Variants in PARP8 observed in about 807,000 individuals in gnomAD.
PARP8 encodes the protein poly(ADP-ribose) polymerase family member 8.
A neutral mutation model predicts 124.1 loss-of-function variants in PARP8; 51 were observed. The ratio of observed to expected loss-of-function variants is 0.41; its 90% CI spans 0.33 to 0.52. The LOEUF (loss-of-function observed/expected upper bound fraction) is 0.52. Among genes scored for constraint, PARP8 ranks in the 20% least tolerant of loss-of-function variants. The pLI, the probability that PARP8 is intolerant of heterozygous loss-of-function variation, is 0.21. For synonymous variants in PARP8, 391 were observed against 361.5 expected (o/e 1.08, Z -0.93); for missense variants, 860 against 1,018.9 (o/e 0.84, Z 2.12).
rs376254772 is a variant in PARP8, at chr5:50,828,434, G to A, written c.2163+50G>A. The A allele has an allele frequency of 1.2e-4, 176 of 1,500,880 alleles. No homozygotes were observed. In the African/African-American group the frequency reaches 2.3e-3, roughly 19 times the overall value. 93.0% of individuals were successfully genotyped at this position (1,500,880 alleles called of 1,614,324 possible). A position where few individuals can be genotyped will look rare whatever the true frequency, so the allele number is the denominator to read the frequency against. Reference sequence around the variant, plus strand: ...AGACTTCATTCTTCTTCAGAATTGAGATTCAGTAAGCAACCCTGTTGTTAG... The same window carrying A: ...AGACTTCATTCTTCTTCAGAATTGAAATTCAGTAAGCAACCCTGTTGTTAG... On this transcript the variant is annotated intron_variant, in intron 21 of 25. Transcript: ENST00000281631.
chr5:50,745,541 G>T (rs1758451171), intron 2 of PARP8, among the ~76,000 whole-genome samples: 1 of 152,134 alleles, frequency 6.6e-6, no homozygotes, highest in Admixed American at 6.5e-5. Context: ...ATGCCTCCCA[G>T]CTAGTAAGCC....
chr5:50,759,022 A>T (rs183009406), intron 3 of PARP8, among the ~76,000 whole-genome samples: 1 of 152,322 alleles, frequency 6.6e-6, no homozygotes, highest in African/African-American at 2.4e-5. Flanking sequence ...TATGGAAGGT[A>T]TGATTTACAA....
intron 3 of PARP8, among the ~76,000 whole-genome samples, chr5:50,754,404 A>G (rs1580216402): frequency 6.6e-6 from 1 of 151,358 alleles, no homozygotes; most frequent in Admixed American, 6.6e-5. Flanking sequence ...TCATTGTTCA[A>G]TTCCCACCTA....
intron 15 of PARP8, among the ~76,000 whole-genome samples, chr5:50,816,134 G>A (rs535082503): frequency 2.6e-5 from 4 of 152,078 alleles, no homozygotes; most frequent in African/African-American, 7.2e-5. Flanking sequence ...GTGCTATAAC[G>A]TTTTAACAAA....
intron 2 of PARP8, among the ~76,000 whole-genome samples, chr5:50,726,170 T>G (rs1023123058): frequency 5.3e-5 from 8 of 152,074 alleles, no homozygotes; most frequent in African/African-American, 1.7e-4. Context: ...CAGACCTGGG[T>G]TTGAAGCTTC....
chr5:50,698,654 T>C (rs1753278204), intron 2 of PARP8, among the ~76,000 whole-genome samples: 1 of 152,150 alleles, frequency 6.6e-6, no homozygotes, highest in Admixed American at 6.6e-5. Flanking sequence ...TAATCAGTCT[T>C]TTATCCTGAT....
Position 50,739,944 on chromosome 5 carries a change from T to A in PARP8, c.147-10207T>A, listed in dbSNP as rs546019809. Among the ~76,000 whole-genome samples the A allele has an allele frequency of 1.5e-4, 23 of 151,530 alleles. 1 individual carries two copies. The highest frequency in any genetic ancestry group is 5.6e-4 in the African/African-American group (23 of 41,282). ...TTTGGTATTTTTAGTAGAGACGGGG[T>A]TTCACCATCTTGGCCAGGCTGGTCT... On this transcript the variant is annotated intron_variant, in intron 2 of 25. Transcript: ENST00000281631.
chr5:50,773,003 C>A (rs955594495), intron 7 of PARP8, among the ~76,000 whole-genome samples: 2 of 152,238 alleles, frequency 1.3e-5, no homozygotes, highest in East Asian at 3.9e-4. Flanking sequence ...TGGACTTTTG[C>A]CCCTTTTAAA....
At chr5:50,708,989 G>A (rs748381729) in intron 2 of PARP8, among the ~76,000 whole-genome samples, 2 of 151,932 alleles carry the variant, frequency 1.3e-5, no homozygotes, top group South Asian at 4.2e-4. Context: ...GTCTCAATAT[G>A]TTGTCCAGGC....
At chr5:50,789,583 G>A (rs1231831647) in intron 10 of PARP8, among the ~76,000 whole-genome samples, 6 of 152,128 alleles carry the variant, frequency 3.9e-5, no homozygotes, top group East Asian at 1.9e-4. Flanking sequence ...GATTTCATAC[G>A]AAGACATAAA....
intron 2 of PARP8, chr5:50,745,067 A>G (rs1219061580): frequency 1.1e-5 from 3 of 270,420 alleles, no homozygotes; most frequent in Admixed American, 9.8e-5. Flanking sequence ...AGGATTTTAC[A>G]GTCCTGGTGA....
chr5:50,668,461 G>A (rs1749624612), intron 2 of PARP8: 1 of 230,000 alleles, frequency 4.3e-6, no homozygotes, highest in Non-Finnish European at 8.6e-6. Context: ...GAAGTGAAAT[G>A]TATAAAAGAC....
At chr5:50,813,777 A>G (rs1744760599) in intron 14 of PARP8, among the ~76,000 whole-genome samples, 1 of 152,016 alleles carries the variant, frequency 6.6e-6, no homozygotes, top group Non-Finnish European at 1.5e-5. Flanking sequence ...TGGTACTGAA[A>G]AAGCAATGTC....
intron 9 of PARP8, among the ~76,000 whole-genome samples, chr5:50,787,311 C>T (rs889881024): frequency 6.6e-6 from 1 of 152,102 alleles, no homozygotes; most frequent in African/African-American, 2.4e-5. Flanking sequence ...AGGTTCCTTC[C>T]CTGCTCTCAT....
At chr5:50,703,299 C>CA (rs34772044) in intron 2 of PARP8, among the ~76,000 whole-genome samples, 12,658 of 117,210 alleles carry the variant, frequency 0.11, 725 homozygotes, top group African/African-American at 0.18. Context: ...GACCGTGTCT[C>CA]AAAAAAAAAA....
At chr5:50,696,997 G>T (rs1387476853) in intron 2 of PARP8, among the ~76,000 whole-genome samples, 1 of 152,120 alleles carries the variant, frequency 6.6e-6, no homozygotes, top group Non-Finnish European at 1.5e-5. Context: ...TGCCGGGCGG[G>T]GTGGCTCATG....
rs556756490 is a variant in PARP8, at chr5:50,802,669, G to A, written c.1575+5436G>A. Among the ~76,000 whole-genome samples, 32 of 152,110 alleles carry A rather than the reference G, an allele frequency of 2.1e-4. No homozygotes were observed. The South Asian group carries it at 4.4e-3, about 21-fold the overall frequency. ...ACATAGTTTCAACTCCACTCCCAGA[G>A]TGGAAGTACGTGTAATTGCTGTTAT... On this transcript the variant is annotated intron_variant, in intron 14 of 25. Transcript: ENST00000281631.
At chr5:50,743,402 A>G (rs949128643) in intron 2 of PARP8, among the ~76,000 whole-genome samples, 17 of 152,148 alleles carry the variant, frequency 1.1e-4, no homozygotes, top group Admixed American at 3.9e-4. Context: ...GAATGGCATT[A>G]AAGTAGCAAA....
At position 50,828,061 on chromosome 5, in the gene PARP8, G is replaced by T; in HGVS notation, c.2090+5G>T. ...TGGAAGCACCTTTGCATTTCAGTGA[G>T]TAAGGCTTAATGTTAATGGGGGTGT... On this transcript the variant is annotated splice_donor_5th_base_variant and intron_variant, in intron 20 of 25. Transcript: ENST00000281631. The T allele has an allele frequency of 6.4e-7, 1 of 1,572,140 alleles. No homozygotes were observed.
Sources: gnomAD v4.1 joint callset for allele counts (sites outside exome capture counted in the v4.1 genomes callset) on GRCh38, gnomAD v4.1.1 for gene constraint, MANE v1.5 for transcripts, NCBI Gene and HGNC (gene_info 2026-07-23, HGNC 2026-07-21) for gene names.